RNF169: variants seen among roughly 807,000 people sequenced by gnomAD.
RNF169 encodes the protein ring finger protein 169.
In RNF169, 24 loss-of-function variants were observed where a neutral mutation model predicts 53.9. The ratio of observed to expected loss-of-function variants is 0.45; its 90% confidence interval spans 0.32 to 0.63. RNF169 has a LOEUF of 0.63. Among genes scored for constraint, RNF169 ranks in the 20% least tolerant of loss-of-function variants. The probability of loss-of-function intolerance (pLI) is 0.04; values close to 1 mark genes in which losing one functional copy is unlikely to be tolerated. For synonymous variants in RNF169, 396 were observed against 363.5 expected (o/e 1.09, Z -1.02); for missense variants, 883 against 906.2 (o/e 0.97, Z 0.33).
intron 1 of RNF169, among the ~76,000 whole-genome samples, chr11:74,765,816 A>C (rs1311529376): frequency 6.7e-6 from 1 of 148,478 alleles, no homozygotes; most frequent in Non-Finnish European, 1.5e-5. Flanking sequence ...CAAAAAAAAA[A>C]AAACAAAAAC....
rs767658141 is a variant in RNF169 at position 74,835,650 on chromosome 11, A to G, written c.1047A>G (p.Leu349=). Residue 349 remains leucine (L), a synonymous_variant, in exon 6 of 6, where the codon CTA becomes CTG. Transcript: ENST00000299563. ...CTGACTTAACCATCGAAAAGCGTCTACCCTTCAGCTCCCTTTCATCCTTGG... is the reference window on the plus strand; with the variant it reads ...CTGACTTAACCATCGAAAAGCGTCTGCCCTTCAGCTCCCTTTCATCCTTGG... ...SAPDLTIEKR[L]PFSSLSSLAS... 19 of 1,613,960 alleles carry G rather than the reference A, an allele frequency of 1.2e-5. No individual in the cohort carries two copies. In the Admixed American group the frequency reaches 3.0e-4, roughly 25 times the overall value.
intron 2 of RNF169, among the ~76,000 whole-genome samples, chr11:74,790,332 A>C (rs2135083265): frequency 6.6e-6 from 1 of 152,236 alleles, no homozygotes; most frequent in African/African-American, 2.4e-5. Flanking sequence ...ATCATTCCTC[A>C]CTCAGCTTTA....
intron 1 of RNF169, among the ~76,000 whole-genome samples, chr11:74,760,466 CT>C (rs2035063663): frequency 6.6e-6 from 1 of 152,104 alleles, no homozygotes; most frequent in African/African-American, 2.4e-5. Context: ...AAATTTCCCT[CT>C]ACAAACTGCT....
In RNF169 at chr11:74,790,761, A is replaced by G. The variant is rs1024229080; in HGVS notation, c.576+1062A>G. Among the ~76,000 whole-genome samples, 7 of 152,340 alleles carry G rather than the reference A, an allele frequency of 4.6e-5. No individual in the cohort carries two copies. In the East Asian group the frequency reaches 5.8e-4, roughly 13 times the overall value. On this transcript the variant is annotated intron_variant, in intron 2 of 5. Coordinates refer to ENST00000299563, the MANE Select transcript of RNF169 (RefSeq NM_001098638.2). Reference sequence around the variant, plus strand: ...CTGTGGCTGGACCAGGACTACTGCAAGTGGCTTCCACTGCTGGCACTGGGG... The same window carrying G: ...CTGTGGCTGGACCAGGACTACTGCAGGTGGCTTCCACTGCTGGCACTGGGG...
intron 4 of RNF169, among the ~76,000 whole-genome samples, chr11:74,826,529 T>C (rs1221821179): frequency 4.6e-5 from 7 of 152,140 alleles, no homozygotes; most frequent in African/African-American, 7.2e-5. Flanking sequence ...CTCCCAAATA[T>C]CATGTCCTCA....
chr11:74,786,138 A>C (rs964797362), intron 1 of RNF169, among the ~76,000 whole-genome samples: 1 of 150,922 alleles, frequency 6.6e-6, no homozygotes, highest in Non-Finnish European at 1.5e-5. Context: ...ACGGGGTTTC[A>C]CCATGTTAGC....
At chr11:74,817,184 G>GA (rs1237890142) in intron 3 of RNF169, among the ~76,000 whole-genome samples, 1 of 152,118 alleles carries the variant, frequency 6.6e-6, no homozygotes, top group African/African-American at 2.4e-5. Context: ...GTAATTCTAG[G>GA]AAAATTAACT....
intron 1 of RNF169, among the ~76,000 whole-genome samples, chr11:74,757,200 A>G (rs2034998431): frequency 8.2e-6 from 1 of 122,008 alleles, no homozygotes; most frequent in Non-Finnish European, 1.7e-5. Flanking sequence ...TCCTGTGTCC[A>G]TGTGATCTCA....
chr11:74,751,485 A>C (rs990158683), intron 1 of RNF169, among the ~76,000 whole-genome samples: 2 of 152,238 alleles, frequency 1.3e-5, no homozygotes, highest in Middle Eastern at 3.2e-3. Context: ...TTTGATTTCT[A>C]AGCTTGGAGA....
In RNF169 at chr11:74,817,606, G is replaced by C; in HGVS notation, c.734G>C (p.Arg245Pro). ...TTGTCTCCCTGCCAGTGTCCTGCAC[G>C]TCTCTCAGATTCAGAGAATGAAGAA... ...LKTNLERCPA[R>P]LSDSENEEPS... is the part of the protein sequence containing the mutation. Residue 245 changes from arginine to proline, a missense_variant, in exon 4 of 6, where the codon CGT becomes CCT. This residue lies in a region of RNF169 where 219 missense variants were observed against 289.1 expected (regional missense o/e 0.76). Coordinates refer to ENST00000299563, the MANE Select transcript of RNF169 (RefSeq NM_001098638.2). 1 of 1,609,174 alleles carries C rather than the reference G, an allele frequency of 6.2e-7. No homozygotes were observed. The highest frequency in any genetic ancestry group is 1.7e-4 in the Middle Eastern group (1 of 6,060).
chr11:74,794,823 T>G (rs914037053), intron 2 of RNF169, among the ~76,000 whole-genome samples: 3 of 152,092 alleles, frequency 2.0e-5, no homozygotes, highest in African/African-American at 4.8e-5. Context: ...TGAAGAGAGA[T>G]ATTCTCTCTC....
intron 2 of RNF169, among the ~76,000 whole-genome samples, chr11:74,799,469 C>T (rs2035699459): frequency 6.6e-6 from 1 of 152,142 alleles, no homozygotes; most frequent in Non-Finnish European, 1.5e-5. Flanking sequence ...AAAACACGAT[C>T]AAATTCAATT....
chr11:74,775,286 G>A (rs181363355), intron 1 of RNF169, among the ~76,000 whole-genome samples: 41 of 152,218 alleles, frequency 2.7e-4, no homozygotes, highest in Middle Eastern at 3.4e-3. Context: ...TACATTAATA[G>A]GGATGTTTCT....
chr11:74,761,134 C>T (rs1327633474), intron 1 of RNF169, among the ~76,000 whole-genome samples: 1 of 127,784 alleles, frequency 7.8e-6, no homozygotes, highest in Non-Finnish European at 1.6e-5. Flanking sequence ...GGATTGCAAC[C>T]CCTGCCTTTT....
intron 1 of RNF169, among the ~76,000 whole-genome samples, chr11:74,788,792 A>G (rs2135080556): frequency 6.6e-6 from 1 of 152,276 alleles, no homozygotes; most frequent in Non-Finnish European, 1.5e-5. Flanking sequence ...GTAGGTTCAT[A>G]CAGGTTTTAT....
intron 2 of RNF169, among the ~76,000 whole-genome samples, chr11:74,791,301 G>A (rs1286697672): frequency 6.6e-6 from 1 of 152,168 alleles, no homozygotes; most frequent in Non-Finnish European, 1.5e-5. Flanking sequence ...CCTGGAAAAA[G>A]CACTGTAAGT....
intron 2 of RNF169, among the ~76,000 whole-genome samples, chr11:74,806,146 A>G (rs77797275): frequency 0.021 from 3,175 of 152,264 alleles, 129 homozygotes; most frequent in African/African-American, 0.072. Flanking sequence ...TTACTAGAGG[A>G]AAAAAACAAA....
chr11:74,794,822 A>G (rs2135092687), intron 2 of RNF169, among the ~76,000 whole-genome samples: 1 of 152,222 alleles, frequency 6.6e-6, no homozygotes, highest in Admixed American at 6.5e-5. Flanking sequence ...TTGAAGAGAG[A>G]TATTCTCTCT....
chr11:74,801,127 A>T (rs573542131), intron 2 of RNF169, among the ~76,000 whole-genome samples: 12 of 152,362 alleles, frequency 7.9e-5, no homozygotes, highest in African/African-American at 2.9e-4. Context: ...TGAAGAGAAC[A>T]TAGTATCATA....
Sources: gnomAD v4.1 joint callset for allele counts (sites outside exome capture counted in the v4.1 genomes callset) on GRCh38, gnomAD v4.1.1 for gene constraint, gnomAD v4.1.1 regional missense constraint, MANE v1.5 for transcripts, NCBI Gene and HGNC (gene_info 2026-07-23, HGNC 2026-07-21) for gene names.